Variants in CNTNAP2 observed in about 807,000 individuals in gnomAD.
CNTNAP2 encodes the protein contactin-associated protein-like 2.
Under a neutral mutation model 155.2 loss-of-function variants are expected in CNTNAP2, and 98 were observed. That is an observed-to-expected ratio of 0.63 (90% confidence interval 0.54 to 0.75). The LOEUF (loss-of-function observed/expected upper bound fraction) is 0.75. Among genes scored for constraint, CNTNAP2 ranks in the 30% least tolerant of loss-of-function variants. The pLI, the probability that CNTNAP2 is intolerant of heterozygous loss-of-function variation, is 0.00. For synonymous variants in CNTNAP2, 651 were observed against 631.2 expected (o/e 1.03, Z -0.47); for missense variants, 1,727 against 1,688.1 (o/e 1.02, Z -0.40).
chr7:147,002,657 T>G (rs1286424017), intron 3 of CNTNAP2, among the ~76,000 whole-genome samples: 1 of 151,752 alleles, frequency 6.6e-6, no homozygotes, highest in Non-Finnish European at 1.5e-5. Context: ...GTTCTGGGGG[T>G]CAAGAAGTCC....
intron 13 of CNTNAP2, among the ~76,000 whole-genome samples, chr7:147,657,471 G>A (rs914904017): frequency 1.9e-4 from 29 of 151,388 alleles, no homozygotes; most frequent in African/African-American, 7.1e-4. Context: ...TCTGAGGTGA[G>A]AATGTTGTGG....
At chr7:146,628,060 G>A (rs922847487) in intron 1 of CNTNAP2, among the ~76,000 whole-genome samples, 2 of 152,068 alleles carry the variant, frequency 1.3e-5, no homozygotes, top group Non-Finnish European at 2.9e-5. Context: ...ATATTTAATA[G>A]TACTAAATAG....
At chr7:147,267,076 G>C (rs987489117) in intron 8 of CNTNAP2, among the ~76,000 whole-genome samples, 4 of 152,186 alleles carry the variant, frequency 2.6e-5, no homozygotes, top group Admixed American at 6.5e-5. Flanking sequence ...TGGCTTTCTT[G>C]CTTAGCTTAA....
intron 8 of CNTNAP2, among the ~76,000 whole-genome samples, chr7:147,178,667 A>G (rs1176951461): frequency 3.3e-5 from 5 of 152,160 alleles, no homozygotes; most frequent in African/African-American, 9.7e-5. Context: ...TCATTAGTGC[A>G]GTGTCCGGGT....
At chr7:147,143,765 A>G (rs931511253) in intron 8 of CNTNAP2, among the ~76,000 whole-genome samples, 1 of 152,184 alleles carries the variant, frequency 6.6e-6, no homozygotes, top group African/African-American at 2.4e-5. Flanking sequence ...TACTTTTATA[A>G]TAAGAGATTT....
chr7:148,184,296 G>A (rs182067090), intron 18 of CNTNAP2, among the ~76,000 whole-genome samples: 133 of 152,222 alleles, frequency 8.7e-4, no homozygotes, highest in African/African-American at 3.2e-3. Context: ...AAAATAAATT[G>A]ACATGTAAAT....
chr7:148,128,888 C>T (rs536644591), intron 16 of CNTNAP2, among the ~76,000 whole-genome samples: 1 of 152,310 alleles, frequency 6.6e-6, no homozygotes, highest in South Asian at 2.1e-4. Context: ...CTGACCAGCC[C>T]TCTCACGTGG....
At position 146,995,523 on chromosome 7, in the gene CNTNAP2, C is replaced by T. The variant is rs535826565; in HGVS notation, c.403-48384C>T. On this transcript the variant is annotated intron_variant, in intron 3 of 23. Transcript: ENST00000361727. ...TTATCTTTTTTCTTTCTGATAATAG[C>T]CATTCTAACAGGAGTGACATAATAT... Among the ~76,000 whole-genome samples, 4 of 152,164 alleles carry T rather than the reference C, an allele frequency of 2.6e-5. No homozygotes were observed. In the East Asian group the frequency reaches 7.7e-4, roughly 29 times the overall value.
chr7:146,275,671 G>A (rs1332675792), intron 1 of CNTNAP2, among the ~76,000 whole-genome samples: 1 of 152,110 alleles, frequency 6.6e-6, no homozygotes, highest in Non-Finnish European at 1.5e-5. Flanking sequence ...CTACACGTTG[G>A]TTTACATGAG....
At chr7:148,020,559 G>A (rs1167545246) in intron 15 of CNTNAP2, among the ~76,000 whole-genome samples, 1 of 152,122 alleles carries the variant, frequency 6.6e-6, no homozygotes, top group Non-Finnish European at 1.5e-5. Flanking sequence ...AAATACACAA[G>A]TTAAATCCAT....
rs147443681 is a variant in CNTNAP2 at position 146,940,684 on chromosome 7, AAT to A, written c.402+100792_402+100793del. ...ATTGTGACTACACATTAGTGTAGTA[AAT>A]ATATATATATACACACACACACACA... On this transcript the variant is annotated intron_variant, in intron 3 of 23. Coordinates refer to ENST00000361727, the MANE Select transcript of CNTNAP2 (RefSeq NM_014141.6). Among the ~76,000 whole-genome samples, 10 of 137,624 alleles carry A rather than the reference AAT, an allele frequency of 7.3e-5. No individual in the cohort carries two copies. The East Asian group carries it at 7.8e-4, about 11-fold the overall frequency. The allele number at this position is 137,624 out of a possible 152,430, so 90.3% of individuals were successfully genotyped here.
chr7:147,445,817 C>T (rs187600724), intron 10 of CNTNAP2, among the ~76,000 whole-genome samples: 36 of 151,854 alleles, frequency 2.4e-4, no homozygotes, highest in East Asian at 1.4e-3. Context: ...TTTTTGGAGA[C>T]GGGGTCTTGC....
At chr7:146,523,224 G>T (rs974725673) in intron 1 of CNTNAP2, among the ~76,000 whole-genome samples, 1 of 151,964 alleles carries the variant, frequency 6.6e-6, no homozygotes, top group South Asian at 2.1e-4. Context: ...AGATAGAATA[G>T]CCAGATATAA....
chr7:146,460,824 G>T (rs1245459937), intron 1 of CNTNAP2, among the ~76,000 whole-genome samples: 2 of 152,162 alleles, frequency 1.3e-5, no homozygotes, highest in African/African-American at 4.8e-5. Context: ...GGGGTATAGG[G>T]CAGGGAATGG....
chr7:147,672,910 C>T (rs1448093126), intron 13 of CNTNAP2: 1 of 152,088 alleles, frequency 6.6e-6, no homozygotes, highest in Admixed American at 6.6e-5. Flanking sequence ...ATACCCAAAG[C>T]CAAGTTTGAT....
intron 18 of CNTNAP2, among the ~76,000 whole-genome samples, chr7:148,180,760 G>A (rs926318212): frequency 1.3e-5 from 2 of 152,170 alleles, no homozygotes; most frequent in African/African-American, 2.4e-5. Context: ...CTGCAACTGG[G>A]TTATTCAGAA....
At chr7:148,263,994 ACGGATTTCCCTTCGG>A (rs1796622279) in intron 20 of CNTNAP2, among the ~76,000 whole-genome samples, 1 of 152,160 alleles carries the variant, frequency 6.6e-6, no homozygotes, top group Non-Finnish European at 1.5e-5. Flanking sequence ...AAACCTGAGG[ACGGATTTCCCTTCGG>A]TGCTCGCGAC....
In CNTNAP2 at chr7:146,292,032, G is replaced by C. The variant is rs2129086758; in HGVS notation, c.97+175059G>C. On this transcript the variant is annotated intron_variant, in intron 1 of 23. Transcript: ENST00000361727. Reference sequence around the variant, plus strand: ...TATAAGAAACTCAAACAAATATATAGAAAGAATACAAATAATTTGATTAGA... The same window carrying C: ...TATAAGAAACTCAAACAAATATATACAAAGAATACAAATAATTTGATTAGA... Among the ~76,000 whole-genome samples the C allele has an allele frequency of 2.0e-5, 3 of 152,242 alleles. 1 individual carries two copies. The highest frequency in any genetic ancestry group is 7.2e-5 in the African/African-American group (3 of 41,568).
intron 20 of CNTNAP2, among the ~76,000 whole-genome samples, chr7:148,237,684 G>A (rs1201691231): frequency 2.0e-5 from 3 of 150,756 alleles, no homozygotes; most frequent in Non-Finnish European, 3.0e-5. Flanking sequence ...AAAGTCAGTA[G>A]TCTGAGGCAC....
Sources: allele counts gnomAD v4.1 joint callset (sites outside exome capture counted in the v4.1 genomes callset), GRCh38; gene constraint gnomAD v4.1.1; transcripts MANE v1.5; gene names NCBI Gene and HGNC (gene_info 2026-07-23, HGNC 2026-07-21).